The following RIMBP2 variants were observed in gnomAD, a reference collection of about 807,000 sequenced individuals.
RIMBP2 encodes RIMS binding protein 2, also known as RIMS-binding protein 2.
Under a neutral mutation model 118.6 loss-of-function variants are expected in RIMBP2, and 48 were observed. That is an observed-to-expected ratio of 0.40 (90% CI 0.32 to 0.51). The LOEUF is 0.51. Ranked by LOEUF, RIMBP2 falls within the 20% of genes least tolerant of loss-of-function variation. The probability of loss-of-function intolerance (pLI) is 0.41; values close to 1 mark genes in which losing one functional copy is unlikely to be tolerated. For synonymous variants in RIMBP2, 762 were observed against 742.9 expected, an observed-to-expected ratio of 1.03 and a Z score of -0.42; for missense variants, 1,551 against 1,768.3, an observed-to-expected ratio of 0.88 and a Z score of 2.20.
intron 6 of RIMBP2, among the ~76,000 whole-genome samples, chr12:130,463,061 G>A (rs891449951): frequency 6.6e-6 from 1 of 152,218 alleles, no homozygotes; most frequent in Non-Finnish European, 1.5e-5. Flanking sequence ...CTGCCAGGGG[G>A]GTCCCTGCTG....
At chr12:130,449,344 C>A (rs12305875) in intron 9 of RIMBP2, among the ~76,000 whole-genome samples, 1 of 152,304 alleles carries the variant, frequency 6.6e-6, no homozygotes, top group East Asian at 1.9e-4. Flanking sequence ...TCCTTGCCCA[C>A]GTCCGCCTCT....
intron 2 of RIMBP2, among the ~76,000 whole-genome samples, chr12:130,531,825 C>T (rs1283545998): frequency 2.0e-5 from 3 of 150,928 alleles, no homozygotes; most frequent in African/African-American, 4.9e-5. Context: ...AACCCAGATG[C>T]CTCTAGGAGT....
chr12:130,413,447 T>C (rs111342836), intron 18 of RIMBP2, among the ~76,000 whole-genome samples: 1 of 151,990 alleles, frequency 6.6e-6, no homozygotes, highest in Non-Finnish European at 1.5e-5. Context: ...CTGGCTATCA[T>C]GGTGAATCCC....
intron 1 of RIMBP2, among the ~76,000 whole-genome samples, chr12:130,709,315 C>A (rs1286072610): frequency 3.3e-5 from 5 of 152,338 alleles, no homozygotes; most frequent in Admixed American, 2.0e-4. Context: ...TTATTGAGCC[C>A]CAGCCAGGTC....
intron 6 of RIMBP2, among the ~76,000 whole-genome samples, chr12:130,457,739 C>T (rs1270634425): frequency 2.6e-5 from 4 of 152,236 alleles, no homozygotes; most frequent in African/African-American, 7.2e-5. Flanking sequence ...GGCTCAAGGA[C>T]ACACCTTCGA....
At chr12:130,457,216 C>T (rs61935898) in intron 6 of RIMBP2, among the ~76,000 whole-genome samples, 59,084 of 152,144 alleles carry the variant, frequency 0.39, 12,448 homozygotes, top group Non-Finnish European at 0.46. Flanking sequence ...CGCCCGCCCC[C>T]TCGGACTGTA....
chr12:130,572,155 G>A (rs996391573), intron 2 of RIMBP2, among the ~76,000 whole-genome samples: 1 of 152,218 alleles, frequency 6.6e-6, no homozygotes, highest in African/African-American at 2.4e-5. Context: ...TATGAGGAAG[G>A]CCGGGGATGA....
intron 1 of RIMBP2, among the ~76,000 whole-genome samples, chr12:130,650,974 A>G (rs1333586696): frequency 9.6e-6 from 1 of 103,936 alleles, no homozygotes. Context: ...AAAAAAAAAA[A>G]AAGAAAGAAA....
chr12:130,555,379 G>A (rs575166600), intron 2 of RIMBP2, among the ~76,000 whole-genome samples: 17 of 152,286 alleles, frequency 1.1e-4, no homozygotes, highest in East Asian at 3.9e-4. Flanking sequence ...GAGAAGCAGC[G>A]TGGGTCTCAC....
chr12:130,662,520 G>A (rs148368822), intron 1 of RIMBP2, among the ~76,000 whole-genome samples: 150 of 152,258 alleles, frequency 9.9e-4, no homozygotes, highest in African/African-American at 3.3e-3. Context: ...GCTGGGCATG[G>A]TGGTGTGTGC....
At chr12:130,601,196 G>A (rs2059855822) in intron 2 of RIMBP2, among the ~76,000 whole-genome samples, 1 of 152,110 alleles carries the variant, frequency 6.6e-6, no homozygotes, top group Admixed American at 6.5e-5. Context: ...AGGACGACCA[G>A]TAATCAAGAT....
chr12:130,401,736 G>A (rs558427662), intron 21 of RIMBP2, among the ~76,000 whole-genome samples: 34 of 152,048 alleles, frequency 2.2e-4, no homozygotes, highest in African/African-American at 7.0e-4. Context: ...ATCTAAATAC[G>A]AAGACACTCA....
chr12:130,399,706 A>C lies in RIMBP2; in HGVS notation c.3873T>G (p.Asp1291Glu), dbSNP rs767890550. 4 of 1,614,118 alleles carry C rather than the reference A, an allele frequency of 2.5e-6. No individual in the cohort carries two copies. The highest frequency in any genetic ancestry group is 3.4e-6 in the Non-Finnish European group (4 of 1,180,052). The change falls in exon 22 of 23, where the codon GAT becomes GAG. Residue 1291 changes from aspartate to glutamate, a missense_variant. Around this residue, in one of 5 missense-constraint regions of RIMBP2, gnomAD observed 1,038 missense variants for 1,125.1 expected, o/e 0.92. Transcript: ENST00000690449. The stretch of plus-strand genomic sequence containing the variant: ...TTTTTGCCTTTGAGCGCATTGGCGT[A>C]TCTTGAGAGTAGTGGGATGGAGCAT... Reference protein sequence around the residue: ...LSDAPSHYSQDTPMRSKAKRV... With the variant: ...LSDAPSHYSQETPMRSKAKRV...
chr12:130,713,272 A>AAGAAGGAC (rs1566477359), intron 1 of RIMBP2, among the ~76,000 whole-genome samples: 1 of 140,402 alleles, frequency 7.1e-6, no homozygotes, highest in Non-Finnish European at 1.6e-5. Flanking sequence ...GAAGGAAGGA[A>AAGAAGGAC]GGACTGAGGA....
At chr12:130,714,664 G>A (rs953066385) in intron 1 of RIMBP2, among the ~76,000 whole-genome samples, 5 of 152,150 alleles carry the variant, frequency 3.3e-5, no homozygotes, top group Admixed American at 3.3e-4. Context: ...ATATGGCCAC[G>A]GCACAGCCCT....
chr12:130,452,751 G>A (rs2079104558), intron 7 of RIMBP2, among the ~76,000 whole-genome samples: 1 of 152,226 alleles, frequency 6.6e-6, no homozygotes, highest in African/African-American at 2.4e-5. Context: ...AGACCTGGGG[G>A]GCCGCGTGTG....
In RIMBP2 at chr12:130,557,475, G is replaced by A. The variant is rs547102543; in HGVS notation, c.-216-39558C>T. Among the ~76,000 whole-genome samples the A allele has an allele frequency of 4.6e-5, 7 of 152,312 alleles. No individual in the cohort carries two copies. The East Asian group carries it at 7.7e-4, about 17-fold the overall frequency. On this transcript the variant is annotated intron_variant, in intron 2 of 22. Coordinates refer to ENST00000690449, the MANE Select transcript of RIMBP2 (RefSeq NM_001393629.1). Reference sequence around the variant, plus strand: ...GAGGCGGGTCCCACCCTAGTGGGGTGAGCTGGGATGTGGAACACCCCCTGC... The same window carrying A: ...GAGGCGGGTCCCACCCTAGTGGGGTAAGCTGGGATGTGGAACACCCCCTGC...
At chr12:130,579,791 A>G (rs2058337596) in intron 2 of RIMBP2, among the ~76,000 whole-genome samples, 1 of 151,960 alleles carries the variant, frequency 6.6e-6, no homozygotes, top group Non-Finnish European at 1.5e-5. Flanking sequence ...ATCAGACCAG[A>G]AGCGATGGTG....
In RIMBP2 at chr12:130,523,111, C is replaced by T. The variant is rs2052344128; in HGVS notation, c.-216-5194G>A. Among the ~76,000 whole-genome samples the T allele has an allele frequency of 6.6e-6, 1 of 151,944 alleles. No homozygotes were observed. Among genetic ancestry groups the T allele is most frequent in the Admixed American group, 6.6e-5 (1 of 15,242 alleles). On this transcript the variant is annotated intron_variant, in intron 2 of 22. Coordinates refer to ENST00000690449, the MANE Select transcript of RIMBP2 (RefSeq NM_001393629.1). The surrounding 1 kb of genome is among the most constrained non-coding windows in gnomAD (Gnocchi z 4.4). ...CTCTGTTTCTCTGCTTCTTCTGTCTCTCCCAGTCTCACTCTGCCTCTCTCT... is the reference window on the plus strand; with the variant it reads ...CTCTGTTTCTCTGCTTCTTCTGTCTTTCCCAGTCTCACTCTGCCTCTCTCT...
Sources: gnomAD v4.1 joint callset for allele counts (sites outside exome capture counted in the v4.1 genomes callset) on GRCh38, gnomAD v4.1.1 for gene constraint, gnomAD v4.1.1 regional missense constraint, Gnocchi (gnomAD v3.1) non-coding constraint, MANE v1.5 for transcripts, NCBI Gene and HGNC (gene_info 2026-07-23, HGNC 2026-07-21) for gene names.